UNC13C: variants seen among roughly 807,000 people sequenced by gnomAD.
UNC13C encodes the protein unc-13 homolog C, also known as protein unc-13 homolog C.
A neutral mutation model predicts 245.4 loss-of-function variants in UNC13C; 174 were observed. That is an observed-to-expected ratio of 0.71 (90% CI 0.63 to 0.80). The LOEUF (loss-of-function observed/expected upper bound fraction) is 0.80. Ranked by LOEUF, UNC13C falls within the 30% of genes least tolerant of loss-of-function variation. The pLI is 0.00. For synonymous variants in UNC13C, 992 were observed against 895.1 expected, an observed-to-expected ratio of 1.11 and a Z score of -1.93; for missense variants, 2,829 against 2,602.9, an observed-to-expected ratio of 1.09 and a Z score of -1.89.
At chr15:53,876,612 A>C in the UNC13C span, among the ~76,000 whole-genome samples, 2 of 152,140 alleles carry the variant, frequency 1.3e-5, no homozygotes, top group African/African-American at 4.8e-5. Context: ...TGTTTATGTC[A>C]GGCTTTTTTT....
At chr15:54,000,229 G>A (rs533169771) in intron 1 of UNC13C, among the ~76,000 whole-genome samples, 31 of 152,026 alleles carry the variant, frequency 2.0e-4, no homozygotes, top group African/African-American at 7.0e-4. Flanking sequence ...GAACAGCATC[G>A]GGTTATAATA....
At chr15:54,278,423 C>T (rs1268157302) in intron 10 of UNC13C, among the ~76,000 whole-genome samples, 1 of 152,022 alleles carries the variant, frequency 6.6e-6, no homozygotes, top group Non-Finnish European at 1.5e-5. Context: ...TGGGAAGTTC[C>T]CTGAGGAATG....
intron 17 of UNC13C, among the ~76,000 whole-genome samples, chr15:54,377,188 G>T (rs1161674843): frequency 6.6e-6 from 1 of 152,188 alleles, no homozygotes; most frequent in Non-Finnish European, 1.5e-5. Flanking sequence ...ACAGCATAAT[G>T]GCTGTATTTT....
chr15:54,473,434 C>A (rs1892564760), intron 19 of UNC13C, among the ~76,000 whole-genome samples: 1 of 152,004 alleles, frequency 6.6e-6, no homozygotes, highest in African/African-American at 2.4e-5. Context: ...GCTGTGCTGG[C>A]AAACACTACA....
chr15:54,443,489 C>T (rs978208056), intron 19 of UNC13C, among the ~76,000 whole-genome samples: 1 of 151,972 alleles, frequency 6.6e-6, no homozygotes, highest in Non-Finnish European at 1.5e-5. Flanking sequence ...TGAGGAGCAG[C>T]ATTAGATTGT....
At chr15:54,453,853 G>A (rs895355485) in intron 19 of UNC13C, among the ~76,000 whole-genome samples, 41 of 152,096 alleles carry the variant, frequency 2.7e-4, no homozygotes, top group African/African-American at 9.9e-4. Context: ...ATTTTAAAGT[G>A]TACAATTCAG....
intron 19 of UNC13C, among the ~76,000 whole-genome samples, chr15:54,446,856 C>T (rs1339111204): frequency 6.6e-6 from 1 of 152,152 alleles, no homozygotes; most frequent in Non-Finnish European, 1.5e-5. Flanking sequence ...AGAGGGCATC[C>T]CTGTCTTGTG....
intron 2 of UNC13C, among the ~76,000 whole-genome samples, chr15:54,131,755 A>G (rs1199125399): frequency 2.0e-5 from 3 of 152,118 alleles, no homozygotes; most frequent in Non-Finnish European, 4.4e-5. Flanking sequence ...TAAAATATGT[A>G]AGGACTTTTG....
At chr15:54,292,022 C>G (rs2037311183) in intron 10 of UNC13C, among the ~76,000 whole-genome samples, 1 of 151,892 alleles carries the variant, frequency 6.6e-6, no homozygotes, top group African/African-American at 2.4e-5. Flanking sequence ...CACACTGATA[C>G]AAATACTATA....
chr15:54,631,057 T>C (rs1185219981), downstream of UNC13C: 1 of 152,096 alleles, frequency 6.6e-6, no homozygotes, highest in Non-Finnish European at 1.5e-5. Flanking sequence ...TTTTAAAACA[T>C]AGTTTGGCTA....
At chr15:54,450,408 G>A (rs1338507445) in intron 19 of UNC13C, among the ~76,000 whole-genome samples, 2 of 152,236 alleles carry the variant, frequency 1.3e-5, no homozygotes, top group African/African-American at 2.4e-5. Context: ...TTGAGCTGTG[G>A]TGGGCTCCAC....
At chr15:54,182,358 C>A (rs959570095) in intron 4 of UNC13C, among the ~76,000 whole-genome samples, 1 of 151,978 alleles carries the variant, frequency 6.6e-6, no homozygotes, top group Admixed American at 6.6e-5. Flanking sequence ...GTATGTTGAA[C>A]CAACCTTGCA....
At chr15:54,341,559 C>A (rs1186281082) in intron 17 of UNC13C, among the ~76,000 whole-genome samples, 1 of 151,892 alleles carries the variant, frequency 6.6e-6, no homozygotes, top group Admixed American at 6.6e-5. Flanking sequence ...ATATATACCT[C>A]ATGAATCTAA....
In UNC13C at chr15:54,278,283, A is replaced by G. The variant is rs183913535; in HGVS notation, c.3818+12787A>G. Among the ~76,000 whole-genome samples, 24 of 152,262 alleles carry G rather than the reference A, an allele frequency of 1.6e-4. No individual in the cohort carries two copies. In the East Asian group the frequency reaches 4.4e-3, roughly 28 times the overall value. ...ATTTTAGAACTCCAAGAAAATTCTTAACAGCCAGAAGTTTCTTTACTGCTC... is the reference window on the plus strand; with the variant it reads ...ATTTTAGAACTCCAAGAAAATTCTTGACAGCCAGAAGTTTCTTTACTGCTC... On this transcript the variant is annotated intron_variant, in intron 10 of 32. Transcript: ENST00000260323.
chr15:54,069,774 T>G (rs1241586617), intron 2 of UNC13C, among the ~76,000 whole-genome samples: 18 of 152,228 alleles, frequency 1.2e-4, no homozygotes, highest in Admixed American at 1.2e-3. Flanking sequence ...TAGATATACC[T>G]GACCTCCAGG....
At chr15:54,217,348 C>T (rs546413750) in intron 4 of UNC13C, among the ~76,000 whole-genome samples, 1 of 151,970 alleles carries the variant, frequency 6.6e-6, no homozygotes, top group Non-Finnish European at 1.5e-5. Flanking sequence ...AACCAAGGAT[C>T]AGTAGAGGAA....
chr15:54,482,061 G>T (rs1245648980), intron 19 of UNC13C, among the ~76,000 whole-genome samples: 1 of 152,108 alleles, frequency 6.6e-6, no homozygotes, highest in Admixed American at 6.5e-5. Context: ...TATACACTTT[G>T]TCTCGCTTTT....
chr15:54,468,703 C>T (rs1350992520), intron 19 of UNC13C, among the ~76,000 whole-genome samples: 1 of 151,646 alleles, frequency 6.6e-6, no homozygotes, highest in African/African-American at 2.4e-5. Flanking sequence ...GTTGAAAATA[C>T]TGTCCTTTCC....
intron 2 of UNC13C, among the ~76,000 whole-genome samples, chr15:54,098,445 G>A (rs981609814): frequency 3.3e-5 from 5 of 152,278 alleles, no homozygotes; most frequent in African/African-American, 1.2e-4. Context: ...AAAGTGCTGG[G>A]ATTATAGGCG....
Sources: gnomAD v4.1 joint callset for allele counts (sites outside exome capture counted in the v4.1 genomes callset) on GRCh38, gnomAD v4.1.1 for gene constraint, MANE v1.5 for transcripts, NCBI Gene and HGNC (gene_info 2026-07-23, HGNC 2026-07-21) for gene names.